Variants in HNRNPL observed in about 807,000 individuals in gnomAD.
HNRNPL encodes heterogeneous nuclear ribonucleoprotein L.
Under a neutral mutation model 64.0 loss-of-function variants are expected in HNRNPL, and 12 were observed. The ratio of observed to expected loss-of-function variants is 0.19; its 90% CI spans 0.12 to 0.30. The LOEUF is 0.30. Among genes scored for constraint, HNRNPL ranks in the 10% least tolerant of loss-of-function variants. The pLI is 1.00. For missense variants in HNRNPL, 484 were observed against 797.4 expected (o/e 0.61, Z 4.73); for synonymous variants, 385 against 313.0 (o/e 1.23, Z -2.43).
At chr19:38,850,470 G>C (rs1295516660), upstream of HNRNPL, 1 of 154,720 alleles carries the variant, frequency 6.5e-6, no homozygotes, top group Admixed American at 6.5e-5. Context: ...CCACTGATTG[G>C]TCAATGGAGA....
intron 4 of HNRNPL, chr19:38,844,971 G>A (rs1972241841): frequency 6.6e-6 from 1 of 152,188 alleles, no homozygotes; most frequent in Admixed American, 6.5e-5. Context: ...GCCTCCGAAA[G>A]TGCTGGGATT....
At chr19:38,849,641 A>C in intron 1 of HNRNPL, 59 bp downstream of exon 1, 1 of 1,303,464 alleles carries the variant, frequency 7.7e-7, no homozygotes, top group Non-Finnish European at 9.7e-7. Context: ...AAATGCCCTC[A>C]AGCTGGGAAA....
intron 1 of HNRNPL, 67 bp from the exon 2 acceptor site, chr19:38,847,501 T>G (rs1469463884): frequency 1.9e-5 from 18 of 926,686 alleles, no homozygotes; most frequent in Non-Finnish European, 2.7e-5. Context: ...CTGGCCTCTG[T>G]ACTGTTGTAG....
At chr19:38,846,995 G>A (rs1183291019) in intron 2 of HNRNPL, among the ~76,000 whole-genome samples, 6 of 152,164 alleles carry the variant, frequency 3.9e-5, no homozygotes, top group East Asian at 1.9e-4. Flanking sequence ...TCAGCAGGCC[G>A]AGGCAGAAGG....
rs771822442 is a variant in HNRNPL at position 38,849,903 on chromosome 19, G to A, written c.64C>T (p.Pro22Ser). The part of the protein sequence containing the change: ...RRRRLEQRQQ[P>S]DEQRRRSGAM... ...CCCGACCGCCTCCGCTGCTCGTCCG[G>A]CTGCTGCCTCTGCTCCAGCCGCCGA... Residue 22 changes from proline (P) to serine (S), a missense_variant, in exon 1 of 13, where the codon CCG (proline) becomes TCG (serine). This residue lies in a region of HNRNPL where 190 missense variants were observed against 160.1 expected (regional missense o/e 1.19). Coordinates refer to ENST00000221419, the MANE Select transcript of HNRNPL (RefSeq NM_001533.3). 14 of 1,275,520 alleles carry A rather than the reference G, an allele frequency of 1.1e-5. No individual in the cohort carries two copies. The highest frequency in any genetic ancestry group is 8.1e-5 in the East Asian group (3 of 37,196). 79.0% of individuals were successfully genotyped at this position (1,275,520 alleles called of 1,614,324 possible). A position where few individuals can be genotyped will look rare whatever the true frequency, so the allele number is the denominator to read the frequency against.
intron 10 of HNRNPL, among the ~76,000 whole-genome samples, chr19:38,837,940 G>C (rs1030648121): frequency 6.6e-6 from 1 of 152,240 alleles, no homozygotes; most frequent in Non-Finnish European, 1.5e-5. Context: ...TGAATGCAAG[G>C]TCAACATTTC....
At position 38,843,891 on chromosome 19, in the gene HNRNPL, C is replaced by T; in HGVS notation, c.831G>A (p.Lys277=). Residue 277 remains lysine (K), a synonymous_variant, in exon 6 of 13, where the codon AAG becomes AAA. Coordinates refer to ENST00000221419, the MANE Select transcript of HNRNPL (RefSeq NM_001533.3). ...TGTAGTCCCAAGTATCCTGATCATT[C>T]TTGAACACATTCAAGCGTGTAGGCT... ...YAKPTRLNVF[K]NDQDTWDYTN... is the part of the protein sequence containing the mutation. 1.2e-6 allele frequency: 2 copies of T among 1,614,204 alleles called. No homozygotes were observed. Among genetic ancestry groups the T allele is most frequent in the Middle Eastern group, 1.6e-4 (1 of 6,062 alleles).
chr19:38,847,457 G>T, intron 1 of HNRNPL, 23 bp from the exon 2 acceptor site: 3 of 1,415,294 alleles, frequency 2.1e-6, no homozygotes, highest in Non-Finnish European at 2.9e-6. Context: ...GCAAAAACAA[G>T]AATTATTTTC....
chr19:38,839,180 A>G, intron 8 of HNRNPL, 165 bp from the exon 9 acceptor site: 2 of 770,528 alleles, frequency 2.6e-6, no homozygotes, highest in Non-Finnish European at 4.1e-6. Context: ...TGCTCAACCC[A>G]TAGTGAGAAG....
rs1202370487 is a variant in HNRNPL at position 38,849,942 on chromosome 19, C to A, written c.25G>T (p.Ala9Ser). Residue 9 changes from alanine (A) to serine (S), a missense_variant, in exon 1 of 13, where the codon GCG becomes TCG. Physicochemically the swap from Ala to Ser is moderately conservative, Grantham distance 99 (BLOSUM62 1). Coordinates refer to ENST00000221419, the MANE Select transcript of HNRNPL (RefSeq NM_001533.3). MSRRLLPR[A>S]EKRRRRLEQR... ...TCCAGCCGCCGACGCCGCTTCTCCG[C>A]CCGGGGCAGCAGCCTCCGCGACATG... is the stretch of plus-strand genomic sequence containing the variant. 1 of 1,370,764 alleles carries A rather than the reference C, an allele frequency of 7.3e-7. No homozygotes were observed. The highest frequency in any genetic ancestry group is 1.5e-5 in the South Asian group (1 of 67,230). 84.9% of individuals were successfully genotyped at this position (1,370,764 alleles called of 1,614,324 possible).
chr19:38,841,703 G>T, intron 6 of HNRNPL: 1 of 1,185,970 alleles, frequency 8.4e-7, no homozygotes, highest in Non-Finnish European at 1.1e-6. Flanking sequence ...TGGTTTTACA[G>T]TCATAAATAC....
intron 3 of HNRNPL, 29 bp downstream of exon 3, chr19:38,845,824 C>T (rs371270951): frequency 8.1e-6 from 13 of 1,602,922 alleles, no homozygotes; most frequent in Admixed American, 3.3e-5. Flanking sequence ...GGAAGGGAGA[C>T]CTCACAAGAA....
intron 6 of HNRNPL, chr19:38,843,442 C>A: frequency 4.7e-6 from 1 of 214,630 alleles, no homozygotes; most frequent in South Asian, 7.5e-5. Flanking sequence ...CTGTCACTCC[C>A]CCAAATCAGA....
intron 11 of HNRNPL, 42 bp from the exon 12 acceptor site, chr19:38,837,521 C>T: frequency 6.2e-7 from 1 of 1,612,082 alleles, no homozygotes; most frequent in South Asian, 1.1e-5. Context: ...TTTAGACTCA[C>T]CCAATAGGAA....
Position 38,840,297 on chromosome 19 carries a change from C to A in HNRNPL, c.1032G>T (p.Arg344Ser). Reference protein sequence around the residue: ...GPPPPHYEGRRMGPPVGGHRR... With the variant: ...GPPPPHYEGRSMGPPVGGHRR... Reference sequence around the variant, plus strand: ...GGTGACCCCCCACTGGTGGACCCATCCTTCTCCCTTCGTAGTGAGGTGGGG... The same window carrying A: ...GGTGACCCCCCACTGGTGGACCCATACTTCTCCCTTCGTAGTGAGGTGGGG... The change falls in exon 8 of 13, where the codon AGG (arginine) becomes AGT (serine). Residue 344 changes from arginine (R) to serine (S), a missense_variant. Coordinates refer to ENST00000221419, the MANE Select transcript of HNRNPL (RefSeq NM_001533.3). 6.4e-7 allele frequency: 1 copy of A among 1,569,660 alleles called. No homozygotes were observed. The highest frequency in any genetic ancestry group is 8.6e-7 in the Non-Finnish European group (1 of 1,157,496).
Position 38,847,376 on chromosome 19 carries a change from A to G in HNRNPL, c.326T>C (p.Leu109Pro). ...GTCTGCTTCCACCACACCGTCAATC[A>G]GGCCCCTGATGTGGACAACTGGGGA... ...PASPVVHIRG[L>P]IDGVVEADLV... The change falls in exon 2 of 13, where the codon CTG (leucine) becomes CCG (proline). Residue 109 changes from leucine (L) to proline (P), a missense_variant. This residue lies in a region of HNRNPL where 23 missense variants were observed against 70.8 expected (regional missense o/e 0.32). Coordinates refer to ENST00000221419, the MANE Select transcript of HNRNPL (RefSeq NM_001533.3). The G allele has an allele frequency of 6.4e-7, 1 of 1,571,792 alleles. No individual in the cohort carries two copies. The highest frequency in any genetic ancestry group is 8.6e-7 in the Non-Finnish European group (1 of 1,157,370).
At chr19:38,846,449 C>A (rs182324754) in intron 2 of HNRNPL, among the ~76,000 whole-genome samples, 3 of 152,258 alleles carry the variant, frequency 2.0e-5, no homozygotes, top group Admixed American at 1.3e-4. Context: ...ATAGCATGCA[C>A]CAAATATTCA....
chr19:38,842,724 C>G (rs1281886797), intron 6 of HNRNPL, among the ~76,000 whole-genome samples: 1 of 152,126 alleles, frequency 6.6e-6, no homozygotes, highest in Non-Finnish European at 1.5e-5. Flanking sequence ...CACTCCAGGT[C>G]ACCTCATCAG....
At chr19:38,846,271 G>A (rs373937734) in intron 2 of HNRNPL, among the ~76,000 whole-genome samples, 181 bp from the exon 3 acceptor site, 51 of 152,248 alleles carry the variant, frequency 3.3e-4, no homozygotes, top group African/African-American at 1.2e-3. Context: ...AGGTCTAGCT[G>A]AGCCATCATG....
Sources: gnomAD v4.1 joint callset for allele counts (sites outside exome capture counted in the v4.1 genomes callset) on GRCh38, gnomAD v4.1.1 for gene constraint, gnomAD v4.1.1 regional missense constraint, MANE v1.5 for transcripts, NCBI Gene and HGNC (gene_info 2026-07-23, HGNC 2026-07-21) for gene names.